SLC25A26: variants seen among roughly 807,000 people sequenced by gnomAD.
SLC25A26 encodes solute carrier family 25 member 26.
A neutral mutation model predicts 37.8 loss-of-function variants in SLC25A26; 36 were observed. The observed-to-expected ratio is 0.95, with a 90% CI of 0.73 to 1.26. SLC25A26 has a LOEUF of 1.26. SLC25A26 is among the 50% of genes most tolerant of loss of function. The pLI is 0.00. For synonymous variants in SLC25A26, 129 were observed against 122.5 expected, an observed-to-expected ratio of 1.05 and a Z score of -0.35; for missense variants, 390 against 331.1, an observed-to-expected ratio of 1.18 and a Z score of -1.38.
rs1575561347 is a variant in SLC25A26 at position 66,320,438 on chromosome 3, C to G, written c.454-25926C>G. Among the ~76,000 whole-genome samples the G allele has an allele frequency of 5.3e-5, 8 of 152,254 alleles. No individual in the cohort carries two copies. In the South Asian group the frequency reaches 1.7e-3, roughly 32 times the overall value. ...CCATGTTGTAGTTTGTGTCAGAACCCCATTCCCTCTTTGAATAATATTACA... is the reference window on the plus strand; with the variant it reads ...CCATGTTGTAGTTTGTGTCAGAACCGCATTCCCTCTTTGAATAATATTACA... On this transcript the variant is annotated intron_variant, in intron 5 of 9. Transcript: ENST00000354883.
intron 1 of SLC25A26, among the ~76,000 whole-genome samples, chr3:66,204,476 A>G (rs1330533012): frequency 6.6e-6 from 1 of 151,844 alleles, no homozygotes; most frequent in African/African-American, 2.4e-5. Flanking sequence ...AAAAAAGAAA[A>G]TAATGAGAAT....
At chr3:66,351,012 C>G (rs1332903605) in intron 6 of SLC25A26, among the ~76,000 whole-genome samples, 2 of 152,216 alleles carry the variant, frequency 1.3e-5, no homozygotes, top group East Asian at 3.9e-4. Context: ...TTATAGTGTT[C>G]AGATAAGGCC....
chr3:66,274,200 T>C (rs1178370089), intron 5 of SLC25A26, among the ~76,000 whole-genome samples: 2 of 151,918 alleles, frequency 1.3e-5, no homozygotes, highest in South Asian at 2.1e-4. Context: ...TAGCCATATG[T>C]AGAAAGCTGA....
Position 66,339,903 on chromosome 3 carries a change from TTTTTGTGTCA to T in SLC25A26, c.454-6459_454-6450del, listed in dbSNP as rs765688001. On this transcript the variant is annotated intron_variant, in intron 5 of 9. Coordinates refer to ENST00000354883, the MANE Select transcript of SLC25A26 (RefSeq NM_001379210.1). ...TTTCTTTTTGCTTTTGTTGCCTTGC[TTTTTGTGTCA>T]TATCCAAGAAATCATTGCCAAATCT... Among the ~76,000 whole-genome samples the T allele has an allele frequency of 9.9e-5, 15 of 152,254 alleles. No individual in the cohort carries two copies. In the Middle Eastern group the frequency reaches 0.01, roughly 104 times the overall value.
chr3:66,312,128 A>G (rs897250348), intron 5 of SLC25A26, among the ~76,000 whole-genome samples: 4 of 152,082 alleles, frequency 2.6e-5, no homozygotes, highest in Admixed American at 6.5e-5. Context: ...TCTTATGGAG[A>G]TGGGAGTTTT....
upstream of SLC25A26, among the ~76,000 whole-genome samples, chr3:66,217,535 G>C (rs917422842): frequency 6.6e-6 from 1 of 151,782 alleles, no homozygotes; most frequent in Non-Finnish European, 1.5e-5. Flanking sequence ...ACTTTATTGA[G>C]CTATAATTTA....
intron 3 of SLC25A26, among the ~76,000 whole-genome samples, chr3:66,261,055 T>C (rs2073508979): frequency 6.6e-6 from 1 of 152,202 alleles, no homozygotes; most frequent in Non-Finnish European, 1.5e-5. Context: ...TTTGGTGGAA[T>C]GGTTTTCTTA....
chr3:66,247,676 A>ATGAAGTTTGCCAAATTTT (rs1469225838), intron 3 of SLC25A26, among the ~76,000 whole-genome samples: 2 of 152,200 alleles, frequency 1.3e-5, no homozygotes, highest in Non-Finnish European at 2.9e-5. Context: ...TGCCAAATTT[A>ATGAAGTTTGCCAAATTTT]TGAAGTTTGT....
At chr3:66,281,085 A>G (rs1471971735) in intron 5 of SLC25A26, among the ~76,000 whole-genome samples, 1 of 152,208 alleles carries the variant, frequency 6.6e-6, no homozygotes, top group East Asian at 1.9e-4. Flanking sequence ...CCTCCATGAC[A>G]TAGACTTTTG....
At chr3:66,233,516 T>G (rs782082914) in intron 1 of SLC25A26, among the ~76,000 whole-genome samples, 34 of 152,222 alleles carry the variant, frequency 2.2e-4, no homozygotes, top group Non-Finnish European at 4.6e-4. Flanking sequence ...GGCTAAAGAA[T>G]AAAAGAGTTT....
chr3:66,249,181 A>T (rs1176539726), intron 3 of SLC25A26, among the ~76,000 whole-genome samples: 1 of 152,234 alleles, frequency 6.6e-6, no homozygotes, highest in Admixed American at 6.5e-5. Context: ...CAATGAACTC[A>T]GACATGTAGA....
rs536209660 is a variant in SLC25A26 at position 66,330,605 on chromosome 3, A to G, written c.454-15759A>G. Among the ~76,000 whole-genome samples, 6 of 150,650 alleles carry G rather than the reference A, an allele frequency of 4.0e-5. No homozygotes were observed. The East Asian group carries it at 6.0e-4, about 15-fold the overall frequency. On this transcript the variant is annotated intron_variant, in intron 5 of 9. Transcript: ENST00000354883. ...ATATTAGCTAACAATGATAATATCTATATAAGTGATCCTTAAGTAAATAGA... is the reference window on the plus strand; with the variant it reads ...ATATTAGCTAACAATGATAATATCTGTATAAGTGATCCTTAAGTAAATAGA...
intron 1 of SLC25A26, among the ~76,000 whole-genome samples, chr3:66,188,544 C>T (rs2070874047): frequency 6.6e-6 from 1 of 152,110 alleles, no homozygotes; most frequent in Non-Finnish European, 1.5e-5. Context: ...CCTCTCTCTC[C>T]ATGTGATCTC....
At chr3:66,155,362 A>G (rs2070267003) in intron 1 of SLC25A26, among the ~76,000 whole-genome samples, 1 of 152,240 alleles carries the variant, frequency 6.6e-6, no homozygotes, top group East Asian at 1.9e-4. Context: ...AAAATAAAAA[A>G]ATTAGCCAGA....
Position 66,221,108 on chromosome 3 carries a change from G to T in SLC25A26, c.14G>T (p.Gly5Val), listed in dbSNP as rs782767663. Reference sequence around the variant, plus strand: ...GTCTGAGCGACCATGGACCGGCCGGGGTTCGTGGCAGCGCTGGTGGTGAGT... The same window carrying T: ...GTCTGAGCGACCATGGACCGGCCGGTGTTCGTGGCAGCGCTGGTGGTGAGT... MDRP[G>V]FVAALVAGGV... The change falls in exon 1 of 10, where the codon GGG (glycine) becomes GTG (valine). Residue 5 changes from glycine to valine, a missense_variant. Physicochemically the swap from Gly to Val is moderately radical, Grantham distance 109. Transcript: ENST00000354883. The T allele has an allele frequency of 6.5e-7, 1 of 1,532,078 alleles. No homozygotes were observed. Among genetic ancestry groups the T allele is most frequent in the South Asian group, 1.2e-5 (1 of 83,864 alleles). 94.9% of individuals were successfully genotyped at this position (1,532,078 alleles called of 1,614,324 possible). A position where few individuals can be genotyped will look rare whatever the true frequency, so the allele number is the denominator to read the frequency against.
chr3:66,196,450 G>C (rs1055171512), intron 1 of SLC25A26, among the ~76,000 whole-genome samples: 1 of 152,142 alleles, frequency 6.6e-6, no homozygotes, highest in Non-Finnish European at 1.5e-5. Flanking sequence ...GTAAAAAGGC[G>C]TCAGAAAGTA....
At chr3:66,163,749 C>A (rs551044926) in intron 1 of SLC25A26, among the ~76,000 whole-genome samples, 1 of 152,256 alleles carries the variant, frequency 6.6e-6, no homozygotes, top group Admixed American at 6.5e-5. Context: ...CTGCCTTGAC[C>A]AAAGTCTGAT....
chr3:66,243,815 A>G lies in SLC25A26; in HGVS notation c.300+503A>G, dbSNP rs573786304. 3.9e-5 allele frequency among the ~76,000 whole-genome samples: 6 copies of G among 152,318 alleles called. No individual in the cohort carries two copies. In the South Asian group the frequency reaches 1.0e-3, roughly 26 times the overall value. ...CACACCCTGTCACTGACTTGGCTGTATCACCATGTTGACGTTTGGCTTCCA... is the reference window on the plus strand; with the variant it reads ...CACACCCTGTCACTGACTTGGCTGTGTCACCATGTTGACGTTTGGCTTCCA... On this transcript the variant is annotated intron_variant, in intron 3 of 9. Transcript: ENST00000354883.
At chr3:66,166,962 G>C (rs539469372) in intron 1 of SLC25A26, among the ~76,000 whole-genome samples, 1 of 151,884 alleles carries the variant, frequency 6.6e-6, no homozygotes, top group African/African-American at 2.4e-5. Context: ...TAAGTCTCAC[G>C]AGATCTGATG....
Sources: allele counts gnomAD v4.1 joint callset (sites outside exome capture counted in the v4.1 genomes callset), GRCh38; gene constraint gnomAD v4.1.1; transcripts MANE v1.5; gene names NCBI Gene and HGNC (gene_info 2026-07-23, HGNC 2026-07-21).